The following MARCHF5 variants were observed in gnomAD, a reference collection of about 807,000 sequenced individuals.
The protein encoded by MARCHF5 is membrane associated ring-CH-type finger 5.
MARCHF5 carries 5 observed loss-of-function variants against 36.5 expected under a neutral mutation model. That is an observed-to-expected ratio of 0.14 (90% CI 0.07 to 0.29). The LOEUF is 0.29. MARCHF5 is among the 10% of genes least tolerant of loss of function. The probability of loss-of-function intolerance (pLI) is 1.00; values close to 1 mark genes in which losing one functional copy is unlikely to be tolerated. For missense variants in MARCHF5, 179 were observed against 336.3 expected (o/e 0.53, Z 3.66); for synonymous variants, 103 against 109.9 (o/e 0.94, Z 0.39).
At chr10:92,322,647 C>G (rs1482636053) in intron 2 of MARCHF5, among the ~76,000 whole-genome samples, 1 of 150,414 alleles carries the variant, frequency 6.6e-6, no homozygotes. Context: ...CAGGGTTTTG[C>G]CATGTTGTCC....
At chr10:92,303,569 C>G (rs185467062) in intron 1 of MARCHF5, among the ~76,000 whole-genome samples, 1 of 152,186 alleles carries the variant, frequency 6.6e-6, no homozygotes. Flanking sequence ...GTTAACTAGA[C>G]TGGAAGTTCC....
Position 92,346,260 on chromosome 10 carries a change from G to C in MARCHF5, c.370-3089G>C, listed in dbSNP as rs539990000. On this transcript the variant is annotated intron_variant, in intron 3 of 5. Transcript: ENST00000358935. ...TTATACTACCTTATTTCTTCACAGT[G>C]TATATATTTGCACACTTGTTTGGTT... is the stretch of plus-strand genomic sequence containing the variant. Among the ~76,000 whole-genome samples, 90 of 152,144 alleles carry C rather than the reference G, an allele frequency of 5.9e-4. 1 individual carries two copies. In the South Asian group the frequency reaches 8.9e-3, roughly 15 times the overall value.
chr10:92,294,048 G>A (rs1309349796), intron 1 of MARCHF5, among the ~76,000 whole-genome samples: 1 of 152,026 alleles, frequency 6.6e-6, no homozygotes, highest in Admixed American at 6.6e-5. Context: ...TGGACTGTAA[G>A]ACCAATAAGA....
At chr10:92,333,911 C>T (rs1020347621) in intron 2 of MARCHF5, among the ~76,000 whole-genome samples, 1 of 151,970 alleles carries the variant, frequency 6.6e-6, no homozygotes, top group African/African-American at 2.4e-5. Flanking sequence ...ATTTGAGGGC[C>T]GGGTGCAGTG....
intron 1 of MARCHF5, among the ~76,000 whole-genome samples, chr10:92,293,018 G>A (rs925487008): frequency 6.6e-6 from 1 of 152,144 alleles, no homozygotes; most frequent in Non-Finnish European, 1.5e-5. Context: ...TTGAGACCCT[G>A]TTCTGATGTG....
intron 2 of MARCHF5, among the ~76,000 whole-genome samples, chr10:92,326,036 A>G (rs1252425785): frequency 6.6e-6 from 1 of 152,210 alleles, no homozygotes; most frequent in Non-Finnish European, 1.5e-5. Flanking sequence ...CTTATATAGA[A>G]TTTTACCAGT....
chr10:92,337,241 C>A (rs900706305), intron 2 of MARCHF5, among the ~76,000 whole-genome samples: 2 of 151,992 alleles, frequency 1.3e-5, no homozygotes, highest in Non-Finnish European at 2.9e-5. Context: ...GAGGGCCGGG[C>A]GCAGTGGCTC....
At chr10:92,344,698 T>C (rs1013495783) in intron 3 of MARCHF5, among the ~76,000 whole-genome samples, 1 of 152,214 alleles carries the variant, frequency 6.6e-6, no homozygotes, top group African/African-American at 2.4e-5. Flanking sequence ...GTAAACCAAA[T>C]CAAGGAATCA....
At chr10:92,319,810 G>A (rs530456893) in intron 2 of MARCHF5, among the ~76,000 whole-genome samples, 8 of 149,562 alleles carry the variant, frequency 5.3e-5, no homozygotes, top group East Asian at 2.0e-4. Context: ...ACCTGCCACC[G>A]TGCCCAGCTA....
intron 1 of MARCHF5, among the ~76,000 whole-genome samples, chr10:92,300,010 A>G (rs1435086560): frequency 6.6e-6 from 1 of 151,978 alleles, no homozygotes; most frequent in East Asian, 1.9e-4. Context: ...AAAAAATAAA[A>G]AAGTAACCAG....
At chr10:92,340,618 T>G in intron 2 of MARCHF5, 55 bp from the exon 3 acceptor site, 1 of 1,495,126 alleles carries the variant, frequency 6.7e-7, no homozygotes, top group Non-Finnish European at 9.0e-7. Flanking sequence ...ATCAAACAAG[T>G]CATTTTAAAA....
At chr10:92,346,996 A>G (rs868717294) in intron 3 of MARCHF5, among the ~76,000 whole-genome samples, 1 of 152,280 alleles carries the variant, frequency 6.6e-6, no homozygotes, top group East Asian at 1.9e-4. Context: ...ATTTAATCAT[A>G]TTTAGTTATA....
At chr10:92,327,028 T>G (rs1292203387) in intron 2 of MARCHF5, among the ~76,000 whole-genome samples, 1 of 151,804 alleles carries the variant, frequency 6.6e-6, no homozygotes, top group East Asian at 1.9e-4. Flanking sequence ...TCCTTCATTC[T>G]TCTCCTCTCC....
intron 1 of MARCHF5, among the ~76,000 whole-genome samples, chr10:92,306,624 C>T (rs1209697862): frequency 3.9e-5 from 6 of 152,050 alleles, no homozygotes; most frequent in African/African-American, 9.7e-5. Context: ...GGGAATAAAT[C>T]GTTGAAGTAG....
intron 2 of MARCHF5, among the ~76,000 whole-genome samples, chr10:92,323,587 C>T (rs1843316690): frequency 6.6e-6 from 1 of 152,188 alleles, no homozygotes; most frequent in Non-Finnish European, 1.5e-5. Context: ...TCCCCGAGCT[C>T]CTGGCCACCA....
intron 1 of MARCHF5, among the ~76,000 whole-genome samples, chr10:92,300,751 T>C (rs1843002493): frequency 6.6e-6 from 1 of 152,224 alleles, no homozygotes; most frequent in South Asian, 2.1e-4. Flanking sequence ...TTGGCATCTT[T>C]TCTTTCAAAG....
At chr10:92,348,339 A>G (rs1473510306) in intron 3 of MARCHF5, among the ~76,000 whole-genome samples, 1 of 151,856 alleles carries the variant, frequency 6.6e-6, no homozygotes, top group East Asian at 1.9e-4. Flanking sequence ...AAATACACAA[A>G]TTAGCTGGGC....
At chr10:92,331,511 T>C (rs978622246) in intron 2 of MARCHF5, among the ~76,000 whole-genome samples, 25 of 152,142 alleles carry the variant, frequency 1.6e-4, no homozygotes, top group Non-Finnish European at 1.8e-4. Context: ...AATTTTGCAT[T>C]GGAAGTTTTC....
At chr10:92,291,659 G>A in intron 1 of MARCHF5, 130 bp downstream of exon 1, 1 of 1,363,474 alleles carries the variant, frequency 7.3e-7, no homozygotes, top group Non-Finnish European at 9.6e-7. Flanking sequence ...GGGGCCGTGA[G>A]AGGGGCAAAA....
Sources: gnomAD v4.1 joint callset for allele counts (sites outside exome capture counted in the v4.1 genomes callset) on GRCh38, gnomAD v4.1.1 for gene constraint, MANE v1.5 for transcripts, NCBI Gene and HGNC (gene_info 2026-07-23, HGNC 2026-07-21) for gene names.